DOCK5: variants seen among roughly 807,000 people sequenced by gnomAD.
The protein encoded by DOCK5 is dedicator of cytokinesis 5.
DOCK5 carries 142 observed loss-of-function variants against 251.8 expected under a neutral mutation model. That is an observed-to-expected ratio of 0.56 (90% CI 0.49 to 0.65). DOCK5 has a LOEUF of 0.65. DOCK5 is among the 30% of genes least tolerant of loss of function. The pLI is 0.00. For synonymous variants in DOCK5, 842 were observed against 835.5 expected, an observed-to-expected ratio of 1.01 and a Z score of -0.13; for missense variants, 2,111 against 2,312.3, an observed-to-expected ratio of 0.91 and a Z score of 1.79.
At chr8:25,297,897 T>G (rs1436915705) in intron 7 of DOCK5, among the ~76,000 whole-genome samples, 1 of 151,634 alleles carries the variant, frequency 6.6e-6, no homozygotes, top group Non-Finnish European at 1.5e-5. Context: ...TACAAAAAAT[T>G]TTTTAAAAAA....
At chr8:25,289,405 G>A (rs983560797) in intron 5 of DOCK5, among the ~76,000 whole-genome samples, 1 of 151,638 alleles carries the variant, frequency 6.6e-6, no homozygotes, top group South Asian at 2.1e-4. Context: ...TCTTGCCTCG[G>A]CCTCCCAAAG....
chr8:25,233,371 A>G (rs1334852942), intron 1 of DOCK5, among the ~76,000 whole-genome samples: 3 of 152,228 alleles, frequency 2.0e-5, no homozygotes, highest in Non-Finnish European at 4.4e-5. Flanking sequence ...TAGAATTGAT[A>G]TATGTATTTT....
intron 1 of DOCK5, among the ~76,000 whole-genome samples, chr8:25,187,632 G>A (rs373423460): frequency 2.6e-5 from 4 of 151,794 alleles, no homozygotes; most frequent in Admixed American, 1.3e-4. Flanking sequence ...GAAGTCTCTC[G>A]TGGTCAACAG....
At position 25,412,597 on chromosome 8, in the gene DOCK5, C is replaced by T. The variant is rs557748950; in HGVS notation, c.*1299C>T. Reference sequence around the variant, plus strand: ...CTGGTTGGAACAATATTTGAAATGTCCCAGATATTTCTATGCTACTTAGAT... The same window carrying T: ...CTGGTTGGAACAATATTTGAAATGTTCCAGATATTTCTATGCTACTTAGAT... On this transcript the variant is annotated 3_prime_UTR_variant, in exon 52 of 52. Transcript: ENST00000276440. 6 of 152,260 alleles carry T rather than the reference C, an allele frequency of 3.9e-5. No individual in the cohort carries two copies. Among genetic ancestry groups the T allele is most frequent in the Admixed American group, 1.3e-4 (2 of 15,284 alleles). The allele number at this position is 152,260 out of a possible 1,614,324, so 9.4% of individuals were successfully genotyped here.
At chr8:25,287,020 C>T (rs1431914985) in intron 5 of DOCK5, among the ~76,000 whole-genome samples, 2 of 152,152 alleles carry the variant, frequency 1.3e-5, no homozygotes, top group Non-Finnish European at 2.9e-5. Flanking sequence ...GAATAGAGTC[C>T]AGGTTTTCTA....
intron 2 of DOCK5, among the ~76,000 whole-genome samples, chr8:25,244,273 G>C (rs576421652): frequency 6.6e-6 from 1 of 152,334 alleles, no homozygotes; most frequent in South Asian, 2.1e-4. Context: ...CGAGGGCCGT[G>C]GTTCCATTAA....
intron 18 of DOCK5, among the ~76,000 whole-genome samples, chr8:25,330,781 G>A (rs563364259): frequency 1.3e-5 from 2 of 152,296 alleles, no homozygotes; most frequent in African/African-American, 2.4e-5. Context: ...TATCAGCCGG[G>A]CGCAGTGGCT....
intron 29 of DOCK5, among the ~76,000 whole-genome samples, chr8:25,364,289 C>T (rs900616846): frequency 6.6e-6 from 1 of 152,164 alleles, no homozygotes; most frequent in East Asian, 1.9e-4. Context: ...TAAAAAATTA[C>T]ACCAGAAACC....
rs116801055 is a variant in DOCK5, at chr8:25,206,805, T to G, written c.43+21854T>G. On this transcript the variant is annotated intron_variant, in intron 1 of 51. Transcript: ENST00000276440. ...TTGAATGAGGAAATACCAATATGTT[T>G]TGCCACAGGGGCAAAAGCTAAAAGG... 7.0e-3 allele frequency among the ~76,000 whole-genome samples: 1,073 copies of G among 152,310 alleles called. 16 individuals are homozygous for G. Among genetic ancestry groups the G allele is most frequent in the African/African-American group, 0.024 (1,004 of 41,560 alleles).
chr8:25,280,306 T>C (rs1314488847), intron 5 of DOCK5, among the ~76,000 whole-genome samples: 2 of 152,212 alleles, frequency 1.3e-5, no homozygotes, highest in Non-Finnish European at 2.9e-5. Flanking sequence ...TTTTGTTCAG[T>C]CATGTGTTGA....
intron 28 of DOCK5, 102 bp downstream of exon 28, chr8:25,359,163 G>T: frequency 1.0e-6 from 1 of 957,084 alleles, no homozygotes; most frequent in Non-Finnish European, 1.7e-6. Context: ...CTCTTCCCAC[G>T]CACCTCCGGT....
At chr8:25,379,907 C>T (rs1801035117) in intron 38 of DOCK5, among the ~76,000 whole-genome samples, 1 of 151,714 alleles carries the variant, frequency 6.6e-6, no homozygotes, top group Non-Finnish European at 1.5e-5. Flanking sequence ...CATTTCAGAA[C>T]CAAAGTCCCA....
chr8:25,393,344 A>C (rs1205989160), intron 44 of DOCK5, among the ~76,000 whole-genome samples: 1 of 152,098 alleles, frequency 6.6e-6, no homozygotes, highest in Non-Finnish European at 1.5e-5. Context: ...CCACCTCCTC[A>C]TTGGCCTCCC....
chr8:25,222,240 T>G (rs1802410912), intron 1 of DOCK5, among the ~76,000 whole-genome samples: 1 of 152,206 alleles, frequency 6.6e-6, no homozygotes, highest in African/African-American at 2.4e-5. Context: ...GGATTTGTCT[T>G]TCTTTGAATA....
At chr8:25,345,419 A>G (rs1226097873) in intron 25 of DOCK5, 56 bp from the exon 26 acceptor site, 1 of 1,599,222 alleles carries the variant, frequency 6.3e-7, no homozygotes, top group Non-Finnish European at 8.5e-7. Context: ...GGAAGGAGAC[A>G]GGCAGTTCAG....
chr8:25,398,254 C>G (rs1239360668), intron 45 of DOCK5, among the ~76,000 whole-genome samples: 6 of 152,176 alleles, frequency 3.9e-5, no homozygotes, highest in Non-Finnish European at 8.8e-5. Context: ...TCAAAAATTT[C>G]AAGTACTTGT....
rs780828532 is a variant in DOCK5, at chr8:25,341,765, C to A, written c.2466C>A (p.Ser822Arg). Reference sequence around the variant, plus strand: ...GGGCAGCTTTGAAGTACCTTCCTAGCATAATTAATGATGTCAAACTTGTAT... The same window carrying A: ...GGGCAGCTTTGAAGTACCTTCCTAGAATAATTAATGATGTCAAACTTGTAT... ...IKGAALKYLP[S>R]IINDVKLVFD... The change falls in exon 24 of 52, where the codon AGC becomes AGA. Residue 822 changes from serine (S) to arginine (R), a missense_variant. Physicochemically the swap from Ser to Arg is moderately radical, Grantham distance 110. This residue lies in a region of DOCK5 where 1,717 missense variants were observed against 1,892.4 expected (regional missense o/e 0.91). Transcript: ENST00000276440. The A allele has an allele frequency of 4.1e-5, 64 of 1,578,966 alleles. No individual in the cohort carries two copies. The highest frequency in any genetic ancestry group is 5.3e-5 in the Non-Finnish European group (62 of 1,160,654).
intron 40 of DOCK5, 125 bp from the exon 41 acceptor site, chr8:25,388,966 T>C (rs1165380754): frequency 1.0e-5 from 9 of 859,178 alleles, no homozygotes; most frequent in Non-Finnish European, 1.6e-5. Flanking sequence ...AGATTTTCAG[T>C]GAGAACTTGA....
chr8:25,297,553 C>T (rs1804649435), intron 7 of DOCK5, among the ~76,000 whole-genome samples: 1 of 151,928 alleles, frequency 6.6e-6, no homozygotes, highest in Admixed American at 6.6e-5. Context: ...CAAGCCTGGC[C>T]AATTTTTGTA....
Sources: gnomAD v4.1 joint callset for allele counts (sites outside exome capture counted in the v4.1 genomes callset) on GRCh38, gnomAD v4.1.1 for gene constraint, gnomAD v4.1.1 regional missense constraint, MANE v1.5 for transcripts, NCBI Gene and HGNC (gene_info 2026-07-23, HGNC 2026-07-21) for gene names.